Variants in MAK observed in about 807,000 individuals in gnomAD.
MAK encodes the protein serine/threonine-protein kinase MAK.
Under a neutral mutation model 82.6 loss-of-function variants are expected in MAK, and 65 were observed. The observed-to-expected ratio is 0.79, with a 90% CI of 0.64 to 0.97. The LOEUF is 0.97. Among genes scored for constraint, MAK ranks in the 50% least tolerant of loss-of-function variants. The pLI is 0.00. For missense variants in MAK, 703 were observed against 780.2 expected, an observed-to-expected ratio of 0.90 and a Z score of 1.18; for synonymous variants, 250 against 274.2, an observed-to-expected ratio of 0.91 and a Z score of 0.87.
intron 1 of MAK, among the ~76,000 whole-genome samples, chr6:10,835,078 C>T (rs1028192241): frequency 5.9e-5 from 9 of 152,204 alleles, no homozygotes; most frequent in East Asian, 1.9e-4. Context: ...CGCAGTCCTG[C>T]GTCTGGATGA....
intron 4 of MAK, among the ~76,000 whole-genome samples, chr6:10,814,397 G>A (rs1165806431): frequency 1.3e-5 from 2 of 152,098 alleles, no homozygotes; most frequent in Non-Finnish European, 2.9e-5. Flanking sequence ...GGCCGGATGT[G>A]GTGGCTAATG....
rs200944697 is a variant in MAK at position 10,791,753 on chromosome 6, T to C, written c.1238A>G (p.Tyr413Cys). 8.1e-6 allele frequency: 13 copies of C among 1,614,054 alleles called. No homozygotes were observed. The Admixed American group carries it at 8.3e-5, about 10-fold the overall frequency. ...CTTGGAATGGGAGGCTCCGAAATCA[T>C]AGTCCTCCAACTCTTCCCAGCTATC... is the stretch of plus-strand genomic sequence containing the variant. ...SGDSWEELED[Y>C]DFGASHSKKP... Residue 413 changes from tyrosine (Y) to cysteine (C), a missense_variant, in exon 10 of 15, where the codon TAT becomes TGT. Tyr to Cys is a radical substitution (Grantham distance 194). Coordinates refer to ENST00000354489, the MANE Select transcript of MAK (RefSeq NM_001242957.3).
Position 10,764,464 on chromosome 6 carries a change from T to A in MAK, c.1935A>T (p.Gly645=). Residue 645 remains glycine (G), a synonymous_variant, in exon 15 of 15, where the codon GGA becomes GGT. Coordinates refer to ENST00000354489, the MANE Select transcript of MAK (RefSeq NM_001242957.3). ...ACACCATAGACTCCTACCGGTGGCCTCCATACTTGGCCACCCAGTCTGTCC... is the reference window on the plus strand; with the variant it reads ...ACACCATAGACTCCTACCGGTGGCCACCATACTTGGCCACCCAGTCTGTCC... ...HGRTDWVAKY[G]GHR 2 of 1,613,942 alleles carry A rather than the reference T, an allele frequency of 1.2e-6. No individual in the cohort carries two copies. Among genetic ancestry groups the A allele is most frequent in the Non-Finnish European group, 1.7e-6 (2 of 1,179,918 alleles).
In MAK at chr6:10,795,422, A is replaced by C. The variant is rs528404572; in HGVS notation, c.1143+576T>G. Reference sequence around the variant, plus strand: ...GTGCCATTGCACTCCAGCCTGGGCAAATAGAGTGAAACTCCGTCTCAAGAA... The same window carrying C: ...GTGCCATTGCACTCCAGCCTGGGCACATAGAGTGAAACTCCGTCTCAAGAA... On this transcript the variant is annotated intron_variant, in intron 9 of 14. Transcript: ENST00000354489. Among the ~76,000 whole-genome samples the C allele has an allele frequency of 2.0e-5, 3 of 152,086 alleles. No homozygotes were observed. In the South Asian group the frequency reaches 6.2e-4, roughly 32 times the overall value.
chr6:10,792,100 T>C (rs1284343704), intron 9 of MAK, among the ~76,000 whole-genome samples: 2 of 152,138 alleles, frequency 1.3e-5, no homozygotes, highest in African/African-American at 2.4e-5. Flanking sequence ...AGGATCTGAG[T>C]TGACTCTTCA....
At position 10,775,376 on chromosome 6, in the gene MAK, A is replaced by T; in HGVS notation, c.1549T>A (p.Ser517Thr). 2 of 1,614,022 alleles carry T rather than the reference A, an allele frequency of 1.2e-6. No individual in the cohort carries two copies. The highest frequency in any genetic ancestry group is 2.2e-5 in the South Asian group (2 of 91,086). The change falls in exon 12 of 15, where the codon TCA becomes ACA. Residue 517 changes from serine to threonine, a missense_variant. By Grantham distance (58) the Ser-to-Thr change is moderately conservative (BLOSUM62 1). Coordinates refer to ENST00000354489, the MANE Select transcript of MAK (RefSeq NM_001242957.3). ...AGTTCTGCCCCAACGGGTCCCAGTGACTTGGGGAATAACTGGTTGCTCCAA... is the reference window on the plus strand; with the variant it reads ...AGTTCTGCCCCAACGGGTCCCAGTGTCTTGGGGAATAACTGGTTGCTCCAA... ...HTWSNQLFPK[S>T]LGPVGAELAF...
chr6:10,803,557 AG>A (rs1370327049), intron 7 of MAK, among the ~76,000 whole-genome samples, 162 bp downstream of exon 7: 1 of 151,752 alleles, frequency 6.6e-6, no homozygotes, highest in Non-Finnish European at 1.5e-5. Context: ...AAAAAAAAAA[AG>A]AATTATAAGA....
intron 4 of MAK, among the ~76,000 whole-genome samples, chr6:10,816,893 TC>T (rs1260082126): frequency 6.6e-6 from 1 of 152,076 alleles, no homozygotes; most frequent in Non-Finnish European, 1.5e-5. Context: ...AAAAACTTTG[TC>T]CCACTAAAAT....
chr6:10,803,929 CAATTT>C (rs1776211982), intron 6 of MAK, 38 bp from the exon 7 acceptor site: 4 of 1,587,672 alleles, frequency 2.5e-6, no homozygotes, highest in Non-Finnish European at 2.6e-6. Flanking sequence ...ATTTTGATTG[CAATTT>C]CAAAGGTGGA....
chr6:10,827,071 AC>A (rs1778432123), intron 2 of MAK, among the ~76,000 whole-genome samples: 1 of 152,208 alleles, frequency 6.6e-6, no homozygotes. Flanking sequence ...AGATCGCGCC[AC>A]TGCACTCCAG....
chr6:10,833,760 A>G (rs971224072), intron 1 of MAK, among the ~76,000 whole-genome samples: 4 of 152,160 alleles, frequency 2.6e-5, no homozygotes, highest in African/African-American at 7.2e-5. Context: ...AGAACATGAC[A>G]GCAGATTCCA....
Position 10,764,430 on chromosome 6 carries a change from T to C in MAK, c.*22A>G, listed in dbSNP as rs1441711746. 2 of 1,612,556 alleles carry C rather than the reference T, an allele frequency of 1.2e-6. No individual in the cohort carries two copies. The highest frequency in any genetic ancestry group is 1.7e-6 in the Non-Finnish European group (2 of 1,179,122). ...GCACGTACTCTACGGAGCAATGCTG[T>C]AGGGTTTCACACCATAGACTCCTAC... On this transcript the variant is annotated 3_prime_UTR_variant, in exon 15 of 15. Transcript: ENST00000354489.
Position 10,800,034 on chromosome 6 carries a change from C to T in MAK, c.831+1858G>A, listed in dbSNP as rs776489623. ...CTGCACTCCAGCCTGGGCGATGGAG[C>T]GAGACTCCGTTTCAAAAACAAAAAC... On this transcript the variant is annotated intron_variant, in intron 8 of 14. Coordinates refer to ENST00000354489, the MANE Select transcript of MAK (RefSeq NM_001242957.3). The surrounding 1 kb of genome is among the most constrained non-coding windows in gnomAD (Gnocchi z 4.2). Among the ~76,000 whole-genome samples the T allele has an allele frequency of 4.7e-5, 7 of 147,748 alleles. No individual in the cohort carries two copies. Among genetic ancestry groups the T allele is most frequent in the Non-Finnish European group, 9.0e-5 (6 of 66,864 alleles).
intron 11 of MAK, among the ~76,000 whole-genome samples, chr6:10,783,240 AAC>A (rs1278741222): frequency 6.6e-6 from 1 of 152,182 alleles, no homozygotes; most frequent in Non-Finnish European, 1.5e-5. Context: ...ATTGAATTGA[AAC>A]ATTTCCTTTT....
intron 14 of MAK, among the ~76,000 whole-genome samples, chr6:10,768,646 G>A (rs971617785): frequency 1.3e-5 from 2 of 152,062 alleles, no homozygotes; most frequent in Non-Finnish European, 2.9e-5. Flanking sequence ...AATATTTGAG[G>A]CCTTATAAAA....
At chr6:10,822,308 G>C (rs762809876) in intron 2 of MAK, among the ~76,000 whole-genome samples, 1 of 151,858 alleles carries the variant, frequency 6.6e-6, no homozygotes, top group Non-Finnish European at 1.5e-5. Flanking sequence ...ACAAAAATGA[G>C]CTGGGCATGG....
In MAK at chr6:10,795,994, TCA is replaced by T. The variant is rs2127548040; in HGVS notation, c.1143+2_1143+3del. 2.5e-6 allele frequency: 4 copies of T among 1,613,564 alleles called. No homozygotes were observed. Among genetic ancestry groups the T allele is most frequent in the Non-Finnish European group, 3.4e-6 (4 of 1,179,446 alleles). ...CATTGCAAGTGTCATGACTGGCTAC[TCA>T]CAGTTGGCATGTTTTTGACGATGCT... is the stretch of plus-strand genomic sequence containing the variant. On this transcript the variant is annotated splice_donor_variant and splice_donor_region_variant and intron_variant, in intron 9 of 14. Transcript: ENST00000354489. LOFTEE classifies it high-confidence loss of function.
At chr6:10,808,109 C>CT (rs1776638423) in intron 6 of MAK, among the ~76,000 whole-genome samples, 1 of 152,116 alleles carries the variant, frequency 6.6e-6, no homozygotes, top group African/African-American at 2.4e-5. Context: ...CAGAAGGCCC[C>CT]TTGTGCACTA....
At position 10,832,362 on chromosome 6, in the gene MAK, C is replaced by T; in HGVS notation, c.-229-1485G>A. Among the ~76,000 whole-genome samples the T allele has an allele frequency of 1.3e-5, 2 of 152,254 alleles. 1 individual carries two copies. Among genetic ancestry groups the T allele is most frequent in the East Asian group, 3.8e-4 (2 of 5,206 alleles). On this transcript the variant is annotated intron_variant, in intron 1 of 14. Coordinates refer to ENST00000354489, the MANE Select transcript of MAK (RefSeq NM_001242957.3). ...GACTTCAATTTTGAAAGAAGTTCTA[C>T]TGTAAGTAAAATGCTATCAAACAGT...
Sources: gnomAD v4.1 joint callset for allele counts (sites outside exome capture counted in the v4.1 genomes callset) on GRCh38, gnomAD v4.1.1 for gene constraint, Gnocchi (gnomAD v3.1) non-coding constraint, MANE v1.5 for transcripts, NCBI Gene and HGNC (gene_info 2026-07-23, HGNC 2026-07-21) for gene names.